RBFOX1: variants seen among roughly 807,000 people sequenced by gnomAD.
RBFOX1 encodes the protein RNA binding protein fox-1 homolog 1.
A neutral mutation model predicts 57.7 loss-of-function variants in RBFOX1; 8 were observed. The observed-to-expected ratio is 0.14, with a 90% CI of 0.08 to 0.25. The LOEUF is 0.25. Among genes scored for constraint, RBFOX1 ranks in the 10% least tolerant of loss-of-function variants. The pLI, the probability that RBFOX1 is intolerant of heterozygous loss-of-function variation, is 1.00. For missense variants in RBFOX1, 611 were observed against 548.5 expected, an observed-to-expected ratio of 1.11 and a Z score of -1.14; for synonymous variants, 326 against 222.4, an observed-to-expected ratio of 1.47 and a Z score of -4.15.
At chr16:6,617,467 G>A (rs1265592529) in intron 2 of RBFOX1, among the ~76,000 whole-genome samples, 1 of 151,572 alleles carries the variant, frequency 6.6e-6, no homozygotes, top group Non-Finnish European at 1.5e-5. Flanking sequence ...CACTTCTCAT[G>A]GATGTAATTG....
At chr16:6,846,351 C>T (rs536567351) in intron 3 of RBFOX1, among the ~76,000 whole-genome samples, 13 of 152,270 alleles carry the variant, frequency 8.5e-5, no homozygotes, top group East Asian at 1.9e-4. Context: ...ACTCACTTAA[C>T]GCAGGGTGGC....
rs546086289 is a variant in RBFOX1 at position 5,253,037 on chromosome 16, C to A, written c.219+12932C>A. On this transcript the variant is annotated intron_variant, in intron 1 of 2. Transcript: ENST00000585867. Reference sequence around the variant, plus strand: ...GCGTGAGGGGTTCTCCTCTGAGGTGCTCGCAAAGAGCCGCTTAATTTTCAT... The same window carrying A: ...GCGTGAGGGGTTCTCCTCTGAGGTGATCGCAAAGAGCCGCTTAATTTTCAT... Among the ~76,000 whole-genome samples, 158 of 152,348 alleles carry A rather than the reference C, an allele frequency of 1.0e-3. 2 individuals carry two copies. The highest frequency in any genetic ancestry group is 3.4e-3 in the Middle Eastern group (1 of 294).
At chr16:5,328,365 A>G (rs553309765) in intron 1 of RBFOX1, among the ~76,000 whole-genome samples, 42 of 152,326 alleles carry the variant, frequency 2.8e-4, no homozygotes, top group South Asian at 8.3e-4. Context: ...CTCTGACCTT[A>G]GAAAAAAATC....
intron 2 of RBFOX1, among the ~76,000 whole-genome samples, chr16:6,604,320 G>A (rs1198753918): frequency 1.3e-5 from 2 of 152,050 alleles, no homozygotes; most frequent in East Asian, 1.9e-4. Context: ...TGTTACACAT[G>A]ATAACAGCAT....
chr16:6,859,150 TATGTATATATATAC>T (rs2058502269), intron 3 of RBFOX1, among the ~76,000 whole-genome samples: 1 of 88,890 alleles, frequency 1.1e-5, no homozygotes, highest in African/African-American at 4.8e-5. Flanking sequence ...CGTATATATA[TATGTATATATATAC>T]GTATATATAT....
chr16:5,701,561 C>G (rs926672033), intron 3 of RBFOX1, among the ~76,000 whole-genome samples: 2 of 152,112 alleles, frequency 1.3e-5, no homozygotes, highest in African/African-American at 4.8e-5. Context: ...TCTCCAGTGG[C>G]TGGGACTCCA....
At chr16:7,578,737 A>G (rs1385506003) in intron 5 of RBFOX1, among the ~76,000 whole-genome samples, 1 of 151,896 alleles carries the variant, frequency 6.6e-6, no homozygotes. Flanking sequence ...TCTGATGTGG[A>G]TGGCATTTAC....
intron 14 of RBFOX1, among the ~76,000 whole-genome samples, chr16:7,691,840 A>T (rs2077411877): frequency 6.6e-6 from 1 of 152,166 alleles, no homozygotes; most frequent in Admixed American, 6.6e-5. Flanking sequence ...GTGAATGCCT[A>T]GTGCAAAGAC....
chr16:7,101,063 C>G (rs1599517558), intron 4 of RBFOX1, among the ~76,000 whole-genome samples: 1 of 152,286 alleles, frequency 6.6e-6, no homozygotes, highest in Non-Finnish European at 1.5e-5. Flanking sequence ...TAAAACATCT[C>G]TCAAGTTTTC....
intron 3 of RBFOX1, among the ~76,000 whole-genome samples, chr16:5,618,081 T>G (rs1368777096): frequency 1.3e-5 from 2 of 152,244 alleles, no homozygotes; most frequent in Non-Finnish European, 2.9e-5. Context: ...TGTGTATCTC[T>G]GGATTACTAC....
At chr16:6,422,676 G>A (rs537362405) in intron 2 of RBFOX1, among the ~76,000 whole-genome samples, 7 of 152,192 alleles carry the variant, frequency 4.6e-5, no homozygotes, top group East Asian at 3.9e-4. Context: ...CAAGAGGGGC[G>A]GCGCTGAACG....
At chr16:6,323,610 A>G (rs2082048862) in intron 2 of RBFOX1, among the ~76,000 whole-genome samples, 2 of 152,186 alleles carry the variant, frequency 1.3e-5, no homozygotes, top group South Asian at 4.1e-4. Context: ...CCCCCAATCT[A>G]GATCAGTCTT....
intron 1 of RBFOX1, among the ~76,000 whole-genome samples, chr16:6,137,832 A>G (rs1237501220): frequency 1.3e-5 from 2 of 149,070 alleles, no homozygotes; most frequent in Admixed American, 6.7e-5. Context: ...TGCTCTTGAA[A>G]CTCCGGGGCT....
rs149128166 is a variant in RBFOX1, at chr16:7,510,300, G to C, written c.28-7847G>C. ...AGTTTATGGAGGAGAAAGGAAGCAG[G>C]ATGGTGCAGCAGGTATTTTTGTTTT... On this transcript the variant is annotated intron_variant, in intron 4 of 15. Coordinates refer to ENST00000550418, the MANE Select transcript of RBFOX1 (RefSeq NM_018723.4). 4.0e-3 allele frequency: 3,963 copies of C among 985,910 alleles called. 5 individuals are homozygous for C. The highest frequency in any genetic ancestry group is 0.01 in the Middle Eastern group (20 of 1,916). 61.1% of individuals were successfully genotyped at this position (985,910 alleles called of 1,614,324 possible).
chr16:6,902,660 T>C (rs2068772867), intron 3 of RBFOX1, among the ~76,000 whole-genome samples: 1 of 152,162 alleles, frequency 6.6e-6, no homozygotes, highest in South Asian at 2.1e-4. Context: ...AGGCAGAGGC[T>C]GTAGTGAGCT....
intron 3 of RBFOX1, among the ~76,000 whole-genome samples, chr16:5,655,323 T>C (rs766227963): frequency 2.0e-5 from 3 of 152,082 alleles, no homozygotes; most frequent in Non-Finnish European, 4.4e-5. Context: ...TTCATGCGGG[T>C]AAGATATGTG....
chr16:7,700,487 A>T (rs1382295722), intron 14 of RBFOX1, among the ~76,000 whole-genome samples: 1 of 152,210 alleles, frequency 6.6e-6, no homozygotes, highest in Non-Finnish European at 1.5e-5. Flanking sequence ...ATGGAAGGGT[A>T]TTGAAAATCT....
chr16:6,278,339 T>G (rs1237658074), intron 1 of RBFOX1, among the ~76,000 whole-genome samples: 4 of 145,872 alleles, frequency 2.7e-5, no homozygotes, highest in Admixed American at 2.7e-4. Context: ...AGTTATTTTT[T>G]TTTTTCGTCT....
At chr16:6,663,092 G>A (rs1274356245) in intron 3 of RBFOX1, among the ~76,000 whole-genome samples, 1 of 152,180 alleles carries the variant, frequency 6.6e-6, no homozygotes. Flanking sequence ...AGTGGGCAGG[G>A]ATGGATACAG....
Sources: gnomAD v4.1 joint callset for allele counts (sites outside exome capture counted in the v4.1 genomes callset) on GRCh38, gnomAD v4.1.1 for gene constraint, MANE v1.5 for transcripts, NCBI Gene and HGNC (gene_info 2026-07-23, HGNC 2026-07-21) for gene names.